The following CLVS1 variants were observed in gnomAD, a reference collection of about 807,000 sequenced individuals.
CLVS1 encodes clavesin 1.
CLVS1 carries 10 observed loss-of-function variants against 33.1 expected under a neutral mutation model. The ratio of observed to expected loss-of-function variants is 0.30; its 90% CI spans 0.19 to 0.51. CLVS1 has a LOEUF of 0.51. CLVS1 is among the 20% of genes least tolerant of loss of function. The pLI is 0.97. For missense variants in CLVS1, 343 were observed against 433.4 expected (o/e 0.79, Z 1.85); for synonymous variants, 163 against 166.1 (o/e 0.98, Z 0.14).
intron 5 of CLVS1, among the ~76,000 whole-genome samples, chr8:61,488,395 G>A (rs956067435): frequency 2.6e-5 from 4 of 152,078 alleles, no homozygotes; most frequent in African/African-American, 4.8e-5. Flanking sequence ...TCTGTTTAAC[G>A]GAATTTTTTT....
In CLVS1 at chr8:61,170,958, T is replaced by C. The variant is rs186609514; in HGVS notation, c.-152+39098T>C. Among the ~76,000 whole-genome samples the C allele has an allele frequency of 4.6e-5, 7 of 152,348 alleles. No individual in the cohort carries two copies. The East Asian group carries it at 1.3e-3, about 29-fold the overall frequency. On this transcript the variant is annotated intron_variant, in intron 2 of 2. Transcript: ENST00000522621. ...TGGTTAACATCTTCCTTACTTTCTG[T>C]CCTTTTATGTTTATTTTTGGTAAAA...
At chr8:61,207,441 G>A (rs1807878927) in intron 2 of CLVS1, among the ~76,000 whole-genome samples, 1 of 88,272 alleles carries the variant, frequency 1.1e-5, no homozygotes, top group South Asian at 3.9e-4. Context: ...CTCAAGTGAA[G>A]TGCAGAGGTG....
chr8:61,089,163 T>C (rs1805185016), intron 1 of CLVS1, among the ~76,000 whole-genome samples: 1 of 152,220 alleles, frequency 6.6e-6, no homozygotes, highest in African/African-American at 2.4e-5. Flanking sequence ...TGGTTTTAAC[T>C]TGCATTTTTG....
intron 3 of CLVS1, among the ~76,000 whole-genome samples, chr8:61,436,445 C>T (rs559203704): frequency 2.0e-5 from 3 of 152,278 alleles, no homozygotes; most frequent in South Asian, 2.1e-4. Flanking sequence ...TGTCAACGAC[C>T]GTCACATGGC....
chr8:61,412,630 G>T (rs1432790250), intron 3 of CLVS1, among the ~76,000 whole-genome samples: 2 of 152,200 alleles, frequency 1.3e-5, no homozygotes, highest in East Asian at 1.9e-4. Context: ...AACCGGAGAT[G>T]GGGCAGCCTC....
chr8:61,305,056 A>G (rs1810573058), intron 2 of CLVS1, among the ~76,000 whole-genome samples: 1 of 151,968 alleles, frequency 6.6e-6, no homozygotes, highest in Non-Finnish European at 1.5e-5. Context: ...TTAAATCCTT[A>G]TTACCCTCAG....
chr8:61,472,373 G>T (rs866538640), intron 5 of CLVS1, among the ~76,000 whole-genome samples: 2 of 151,796 alleles, frequency 1.3e-5, no homozygotes, highest in Middle Eastern at 3.4e-3. Context: ...AAGACATGGG[G>T]GGAGGAGAAG....
chr8:61,127,994 T>C (rs1410556125), intron 1 of CLVS1, among the ~76,000 whole-genome samples: 1 of 152,226 alleles, frequency 6.6e-6, no homozygotes, highest in Non-Finnish European at 1.5e-5. Context: ...AACACAGAGA[T>C]GATGTTGAAA....
At chr8:61,332,059 G>A (rs1046005111) in intron 2 of CLVS1, among the ~76,000 whole-genome samples, 1 of 152,210 alleles carries the variant, frequency 6.6e-6, no homozygotes, top group African/African-American at 2.4e-5. Flanking sequence ...TTGCATTGGA[G>A]TGCCTCCAAG....
chr8:61,346,869 A>G (rs1563507870), intron 2 of CLVS1, among the ~76,000 whole-genome samples: 1 of 152,218 alleles, frequency 6.6e-6, no homozygotes, highest in Non-Finnish European at 1.5e-5. Context: ...ATTGTTGCAG[A>G]TCTACTCTGA....
intron 2 of CLVS1, among the ~76,000 whole-genome samples, chr8:61,132,750 A>G (rs1220645448): frequency 6.6e-6 from 1 of 152,204 alleles, no homozygotes; most frequent in Non-Finnish European, 1.5e-5. Context: ...CTGCAGAGTG[A>G]TGAAGTGGGG....
chr8:61,407,671 A>G (rs923949527), intron 3 of CLVS1, among the ~76,000 whole-genome samples: 1 of 152,254 alleles, frequency 6.6e-6, no homozygotes. Flanking sequence ...TCAATAAATA[A>G]GTAATTAAAT....
At chr8:61,048,300 G>A in the CLVS1 span, among the ~76,000 whole-genome samples, 4 of 152,184 alleles carry the variant, frequency 2.6e-5, no homozygotes, top group African/African-American at 9.7e-5. Flanking sequence ...TGATGGCCTT[G>A]GACCAACTGC....
intron 1 of CLVS1, among the ~76,000 whole-genome samples, chr8:61,060,149 A>G (rs907612410): frequency 6.6e-6 from 1 of 152,138 alleles, no homozygotes; most frequent in African/African-American, 2.4e-5. Context: ...CGTCCTTAGC[A>G]GCTTAGTCCT....
chr8:61,188,138 T>C lies in CLVS1; in HGVS notation c.-152+56278T>C, dbSNP rs111411392. 7.9e-3 allele frequency among the ~76,000 whole-genome samples: 1,205 copies of C among 152,166 alleles called. 15 individuals carry two copies. Among genetic ancestry groups the C allele is most frequent in the African/African-American group, 0.027 (1,138 of 41,540 alleles). ...TGTAGCTGAAAAATTAGCTGAGAATTTGAAAAACTCTACTCTTATTATGAT... is the reference window on the plus strand; with the variant it reads ...TGTAGCTGAAAAATTAGCTGAGAATCTGAAAAACTCTACTCTTATTATGAT... On this transcript the variant is annotated intron_variant, in intron 2 of 2. Transcript: ENST00000522621.
At chr8:61,204,070 T>C (rs1428509084) in intron 2 of CLVS1, among the ~76,000 whole-genome samples, 1 of 152,184 alleles carries the variant, frequency 6.6e-6, no homozygotes, top group African/African-American at 2.4e-5. Flanking sequence ...TTTCTCAAGA[T>C]TCCACTCTCA....
intron 2 of CLVS1, among the ~76,000 whole-genome samples, chr8:61,280,739 A>G (rs1346326042): frequency 6.6e-6 from 1 of 152,178 alleles, no homozygotes; most frequent in Non-Finnish European, 1.5e-5. Context: ...GTCTTGGGAT[A>G]TTATCATATT....
At chr8:61,168,205 A>G (rs13249426) in intron 2 of CLVS1, among the ~76,000 whole-genome samples, 52,499 of 152,170 alleles carry the variant, frequency 0.35, 11,975 homozygotes, top group Middle Eastern at 0.56. Context: ...AAAAGGTGCC[A>G]CTAGCCCTCT....
At chr8:61,005,241 G>T in the CLVS1 span, among the ~76,000 whole-genome samples, 1 of 152,120 alleles carries the variant, frequency 6.6e-6, no homozygotes, top group Non-Finnish European at 1.5e-5. Flanking sequence ...TTTCATCTCC[G>T]AACTCCTGTC....
Sources: allele counts gnomAD v4.1 joint callset (sites outside exome capture counted in the v4.1 genomes callset), GRCh38; gene constraint gnomAD v4.1.1; transcripts MANE v1.5; gene names NCBI Gene and HGNC (gene_info 2026-07-23, HGNC 2026-07-21).